The following ARHGEF26 variants were observed in gnomAD, a reference collection of about 807,000 sequenced individuals.
The protein encoded by ARHGEF26 is Rho guanine nucleotide exchange factor 26.
In ARHGEF26, 59 loss-of-function variants were observed where a neutral mutation model predicts 89.4. That is an observed-to-expected ratio of 0.66 (90% CI 0.54 to 0.82). The LOEUF (loss-of-function observed/expected upper bound fraction) is 0.82. Ranked by LOEUF, ARHGEF26 falls within the 40% of genes least tolerant of loss-of-function variation. The probability of loss-of-function intolerance (pLI) is 0.00; values close to 1 mark genes in which losing one functional copy is unlikely to be tolerated. For missense variants in ARHGEF26, 1,234 were observed against 1,085.6 expected (o/e 1.14, Z -1.92); for synonymous variants, 500 against 428.4 (o/e 1.17, Z -2.06).
intron 6 of ARHGEF26, among the ~76,000 whole-genome samples, chr3:154,169,851 G>A (rs1039700336): frequency 6.6e-6 from 1 of 152,140 alleles, no homozygotes; most frequent in African/African-American, 2.4e-5. Context: ...TGTGACCAGA[G>A]GCTTGTAGGA....
chr3:154,123,293 A>T (rs1332169936), intron 2 of ARHGEF26, among the ~76,000 whole-genome samples: 1 of 152,152 alleles, frequency 6.6e-6, no homozygotes, highest in African/African-American at 2.4e-5. Context: ...GAAATTCATC[A>T]CTTTTAAATT....
At chr3:154,221,953 T>C (rs1352644952) in intron 10 of ARHGEF26, among the ~76,000 whole-genome samples, 3 of 152,224 alleles carry the variant, frequency 2.0e-5, no homozygotes, top group Non-Finnish European at 1.5e-5. Flanking sequence ...TAGGTGCTAC[T>C]ACTATGAGAA....
chr3:154,154,956 G>A (rs761389143), intron 6 of ARHGEF26, among the ~76,000 whole-genome samples: 16 of 151,772 alleles, frequency 1.1e-4, no homozygotes, highest in Non-Finnish European at 2.1e-4. Context: ...TAGATCAAAG[G>A]GTAAATGCGT....
At chr3:154,191,182 G>A (rs1713931898) in intron 7 of ARHGEF26, 107 bp from the exon 8 acceptor site, 1 of 1,210,388 alleles carries the variant, frequency 8.3e-7, no homozygotes, top group Non-Finnish European at 1.1e-6. Flanking sequence ...GTTTAAAATA[G>A]TTGATGCTAT....
rs952253104 is a variant in ARHGEF26, at chr3:154,239,919, T to TG, written c.2091-447dup. 1.3e-5 allele frequency among the ~76,000 whole-genome samples: 2 copies of TG among 152,044 alleles called. 1 individual carries two copies. Among genetic ancestry groups the TG allele is most frequent in the African/African-American group, 4.8e-5 (2 of 41,464 alleles). On this transcript the variant is annotated intron_variant, in intron 11 of 14. Coordinates refer to ENST00000465093, the MANE Select transcript of ARHGEF26 (RefSeq NM_015595.4). ...GTCTTGCCAGAAGCAAGCAGACCTC[T>TG]GGGGCTCTTCTCTTCAATGCATGGT... is the stretch of plus-strand genomic sequence containing the variant.
chr3:154,188,284 T>C (rs1277281446), intron 7 of ARHGEF26, among the ~76,000 whole-genome samples: 2 of 152,216 alleles, frequency 1.3e-5, no homozygotes, highest in African/African-American at 4.8e-5. Flanking sequence ...AAATTGTTCA[T>C]AAAAATTGCT....
intron 13 of ARHGEF26, among the ~76,000 whole-genome samples, chr3:154,254,061 G>A (rs1718327665): frequency 6.6e-6 from 1 of 152,050 alleles, no homozygotes; most frequent in Non-Finnish European, 1.5e-5. Context: ...GACTACAGGC[G>A]CCCGCCACCA....
At chr3:154,228,662 C>A (rs1716641425) in intron 11 of ARHGEF26, among the ~76,000 whole-genome samples, 1 of 151,964 alleles carries the variant, frequency 6.6e-6, no homozygotes, top group African/African-American at 2.4e-5. Context: ...TACATGCAAA[C>A]CACAGAAGCT....
intron 9 of ARHGEF26, among the ~76,000 whole-genome samples, chr3:154,199,845 C>A (rs1010655417): frequency 2.0e-5 from 3 of 152,044 alleles, no homozygotes; most frequent in Admixed American, 2.0e-4. Flanking sequence ...TGCCTGTTTG[C>A]CATTTGTATG....
chr3:154,244,590 C>A (rs1430943858), intron 12 of ARHGEF26, among the ~76,000 whole-genome samples: 1 of 152,080 alleles, frequency 6.6e-6, no homozygotes, highest in Non-Finnish European at 1.5e-5. Context: ...GAATGATACT[C>A]TTTTTGACTC....
chr3:154,255,811 A>G lies in ARHGEF26; in HGVS notation c.*338A>G, dbSNP rs1247134255. On this transcript the variant is annotated 3_prime_UTR_variant, in exon 15 of 15. Transcript: ENST00000465093. ...CACATATTATATCCTGGTTTTCTCT[A>G]TCCTTGCATTACTAAGGTGACTGTC... 2.8e-6 allele frequency: 3 copies of G among 1,067,510 alleles called. No homozygotes were observed. The highest frequency in any genetic ancestry group is 7.9e-5 in the South Asian group (2 of 25,450). The allele number at this position is 1,067,510 out of a possible 1,614,324, so 66.1% of individuals were successfully genotyped here.
intron 3 of ARHGEF26, among the ~76,000 whole-genome samples, chr3:154,125,098 G>C (rs1718251657): frequency 6.6e-6 from 1 of 152,144 alleles, no homozygotes; most frequent in Non-Finnish European, 1.5e-5. Flanking sequence ...AGTCCCAGCT[G>C]TAGCACTTGT....
intron 6 of ARHGEF26, among the ~76,000 whole-genome samples, chr3:154,157,914 G>A (rs1182487910): frequency 6.6e-6 from 1 of 152,132 alleles, no homozygotes; most frequent in Admixed American, 6.5e-5. Flanking sequence ...GTCAATTTGA[G>A]TCACAGAGGT....
intron 3 of ARHGEF26, among the ~76,000 whole-genome samples, chr3:154,129,188 G>A (rs1354106943): frequency 6.6e-6 from 1 of 151,998 alleles, no homozygotes; most frequent in Non-Finnish European, 1.5e-5. Context: ...TCAGCCCTTG[G>A]CACGTCATAG....
In ARHGEF26 at chr3:154,225,982, G is replaced by A. The variant is rs377732491; in HGVS notation, c.2062G>A (p.Asp688Asn). Residue 688 changes from aspartate (D) to asparagine (N), a missense_variant, in exon 11 of 15, where the codon GAT (aspartate) becomes AAT (asparagine). Physicochemically the swap from Asp to Asn is conservative, Grantham distance 23. Transcript: ENST00000465093. ...GCAAGTCTACTTCTTTCTCTTTAAC[G>A]ATGTGCTCATTATCACCAAGAAGAA... The part of the protein sequence containing the change: ...KQQVYFFLFN[D>N]VLIITKKKSE... 9 of 1,612,208 alleles carry A rather than the reference G, an allele frequency of 5.6e-6. No individual in the cohort carries two copies. In the East Asian group the frequency reaches 6.7e-5, roughly 12 times the overall value.
chr3:154,169,083 T>C (rs1712236376), intron 6 of ARHGEF26, among the ~76,000 whole-genome samples: 1 of 152,084 alleles, frequency 6.6e-6, no homozygotes, highest in Non-Finnish European at 1.5e-5. Context: ...ATTATTACTT[T>C]ATAGATGAGG....
chr3:154,217,986 T>C, intron 10 of ARHGEF26, 28 bp downstream of exon 10: 1 of 1,535,202 alleles, frequency 6.5e-7, no homozygotes, highest in Non-Finnish European at 8.9e-7. Flanking sequence ...TCATTACTGT[T>C]CTTGCCTATG....
In ARHGEF26 at chr3:154,254,836, C is replaced by A. The variant is rs1490208145; in HGVS notation, c.2473+12C>A. ...ACGTGTCAGCGATGGTGAGTGGGAG[C>A]GTTCTTATGGGACACTCGTGGTCCA... On this transcript the variant is annotated intron_variant, in intron 14 of 14. Coordinates refer to ENST00000465093, the MANE Select transcript of ARHGEF26 (RefSeq NM_015595.4). The A allele has an allele frequency of 6.2e-7, 1 of 1,608,664 alleles. No individual in the cohort carries two copies. Among genetic ancestry groups the A allele is most frequent in the African/African-American group, 1.3e-5 (1 of 74,764 alleles).
At chr3:154,165,173 CTG>C (rs1210554882) in intron 6 of ARHGEF26, among the ~76,000 whole-genome samples, 1 of 152,092 alleles carries the variant, frequency 6.6e-6, no homozygotes, top group African/African-American at 2.4e-5. Flanking sequence ...CTAGGGGTCA[CTG>C]TATGCCTCCT....
Sources: gnomAD v4.1 joint callset for allele counts (sites outside exome capture counted in the v4.1 genomes callset) on GRCh38, gnomAD v4.1.1 for gene constraint, MANE v1.5 for transcripts, NCBI Gene and HGNC (gene_info 2026-07-23, HGNC 2026-07-21) for gene names.